Variants in SHROOM2 observed in about 807,000 individuals in gnomAD.
The protein encoded by SHROOM2 is shroom family member 2.
SHROOM2 carries 33 observed loss-of-function variants against 75.9 expected under a neutral mutation model. That is an observed-to-expected ratio of 0.43 (90% CI 0.33 to 0.58). SHROOM2 has a LOEUF of 0.58. SHROOM2 is among the 20% of genes least tolerant of loss of function. The pLI, the probability that SHROOM2 is intolerant of heterozygous loss-of-function variation, is 0.04. For missense variants in SHROOM2, 1,434 were observed against 1,461.2 expected (o/e 0.98, Z 0.30); for synonymous variants, 655 against 663.6 (o/e 0.99, Z 0.20).
intron 1 of SHROOM2, among the ~76,000 whole-genome samples, chrX:9,809,098 G>C (rs1053078178): frequency 3.1e-5 from 3 of 95,943 alleles, no homozygotes; most frequent in Non-Finnish European, 4.1e-5. Context: ...TCTCTTATTA[G>C]TCAGGGTTCT....
At chrX:9,856,024 C>T (rs868619017) in intron 1 of SHROOM2, among the ~76,000 whole-genome samples, 11 of 84,261 alleles carry the variant, frequency 1.3e-4, no homozygotes, top group South Asian at 5.8e-4. Context: ...AGAATGTTTC[C>T]TTTTTTTTTT....
At chrX:9,939,050 CT>C in intron 7 of SHROOM2, 144 bp from the exon 8 acceptor site, 1 of 442,662 alleles carries the variant, frequency 2.3e-6, no homozygotes, top group East Asian at 4.0e-5. Flanking sequence ...TACCTACTTA[CT>C]TTTCCCCCTT....
rs141116076 is a variant in SHROOM2, at chrX:9,947,262, G to A, written c.*325G>A. 5.9e-3 allele frequency: 1,547 copies of A among 261,664 alleles called. 18 individuals are homozygous for A. The highest frequency in any genetic ancestry group is 0.039 in the African/African-American group (1,414 of 35,827). The allele number at this position is 261,664 out of a possible 1,213,427, so 21.6% of individuals were successfully genotyped here. On this transcript the variant is annotated 3_prime_UTR_variant, in exon 10 of 10. Coordinates refer to ENST00000380913, the MANE Select transcript of SHROOM2 (RefSeq NM_001649.4). Reference sequence around the variant, plus strand: ...AGTGGTCACTGTCAGTGGGAAACCCGTTGTTCCTCCCGTCTTCAGATGCTG... The same window carrying A: ...AGTGGTCACTGTCAGTGGGAAACCCATTGTTCCTCCCGTCTTCAGATGCTG...
At chrX:9,808,387 A>AG (rs1238228343) in intron 1 of SHROOM2, among the ~76,000 whole-genome samples, 1 of 107,591 alleles carries the variant, frequency 9.3e-6, no homozygotes, top group Non-Finnish European at 1.9e-5. Flanking sequence ...CTACAAAAAA[A>AG]AAAAAAAAAA....
At chrX:9,809,505 C>T (rs1201240801) in intron 1 of SHROOM2, among the ~76,000 whole-genome samples, 1 of 111,700 alleles carries the variant, frequency 9.0e-6, no homozygotes, top group African/African-American at 3.3e-5. Flanking sequence ...CATCACAAGT[C>T]CACCCCTTGT....
chrX:9,945,960 C>A (rs967541308), intron 9 of SHROOM2, among the ~76,000 whole-genome samples: 1 of 112,875 alleles, frequency 8.9e-6, no homozygotes, highest in African/African-American at 3.2e-5. Context: ...AGCACCCTTC[C>A]CCTTTCTCCA....
intron 1 of SHROOM2, among the ~76,000 whole-genome samples, chrX:9,872,581 G>GA (rs1255457974): frequency 2.7e-5 from 3 of 111,538 alleles, no homozygotes; most frequent in East Asian, 2.8e-4. Flanking sequence ...AGAAAAAAGG[G>GA]AAAAAAAGCT....
At chrX:9,854,779 T>A (rs1168101508) in intron 1 of SHROOM2, among the ~76,000 whole-genome samples, 1 of 111,096 alleles carries the variant, frequency 9.0e-6, no homozygotes, top group Non-Finnish European at 1.9e-5. Context: ...ATTGGGATTG[T>A]ACTGTGGAGA....
intron 1 of SHROOM2, among the ~76,000 whole-genome samples, chrX:9,826,921 T>C (rs925916798): frequency 1.8e-5 from 2 of 112,746 alleles, no homozygotes; most frequent in African/African-American, 6.4e-5. Flanking sequence ...GTTGAGTCTT[T>C]GGGCCTCTGG....
intron 1 of SHROOM2, among the ~76,000 whole-genome samples, chrX:9,808,960 T>C (rs912261748): frequency 6.3e-5 from 7 of 110,904 alleles, no homozygotes; most frequent in African/African-American, 9.8e-5. Flanking sequence ...GTATATTCAC[T>C]GACTTGTGCA....
intron 5 of SHROOM2, among the ~76,000 whole-genome samples, chrX:9,919,578 C>T (rs1427225348): frequency 5.5e-5 from 6 of 109,674 alleles, no homozygotes; most frequent in African/African-American, 2.0e-4. Flanking sequence ...GATCTGCCCC[C>T]CTCAGCCTCC....
intron 5 of SHROOM2, among the ~76,000 whole-genome samples, chrX:9,915,769 A>G (rs2084484784): frequency 8.9e-6 from 1 of 112,415 alleles, no homozygotes; most frequent in African/African-American, 3.2e-5. Context: ...TACAACAAAT[A>G]TCTGAAGTCT....
rs944544411 is a variant in SHROOM2 at position 9,905,681 on chromosome X, G to A, written c.2891+7391G>A. Among the ~76,000 whole-genome samples, 29 of 113,012 alleles carry A rather than the reference G, an allele frequency of 2.6e-4. No homozygotes were observed. The Admixed American group carries it at 2.6e-3, about 10-fold the overall frequency. ...TGCCAGTTTAAATTTTTGTGTGTTC[G>A]TTTCCATACTAGCTCTTAGAATCTA... is the stretch of plus-strand genomic sequence containing the variant. On this transcript the variant is annotated intron_variant, in intron 5 of 9. Transcript: ENST00000380913.
At chrX:9,913,443 A>T (rs41311483) in intron 5 of SHROOM2, among the ~76,000 whole-genome samples, 14,059 of 112,019 alleles carry the variant, frequency 0.13, 1,245 homozygotes, top group African/African-American at 0.32. Context: ...TTTACTATAC[A>T]TGTGCTTTTT....
intron 1 of SHROOM2, among the ~76,000 whole-genome samples, chrX:9,859,878 A>T (rs1274527011): frequency 9.0e-6 from 1 of 111,325 alleles, no homozygotes. Context: ...GCGAGAGAGA[A>T]GATGATTTGC....
intron 1 of SHROOM2, among the ~76,000 whole-genome samples, chrX:9,803,960 A>G (rs2083737920): frequency 9.0e-6 from 1 of 111,302 alleles, no homozygotes; most frequent in South Asian, 3.8e-4. Flanking sequence ...AGCCGTTTAA[A>G]CATCCACAGA....
intron 5 of SHROOM2, among the ~76,000 whole-genome samples, chrX:9,910,588 G>A (rs1320998922): frequency 8.2e-5 from 9 of 109,694 alleles, no homozygotes; most frequent in African/African-American, 2.7e-4. Context: ...AGGCTGAGGC[G>A]GGCGTATCAC....
At chrX:9,938,688 C>T (rs1048283327) in intron 7 of SHROOM2, among the ~76,000 whole-genome samples, 1 of 112,646 alleles carries the variant, frequency 8.9e-6, no homozygotes, top group African/African-American at 3.2e-5. Context: ...GTGGCATCTT[C>T]CCTGCTGCTG....
chrX:9,940,260 G>C (rs188487011), intron 8 of SHROOM2, among the ~76,000 whole-genome samples: 10 of 112,318 alleles, frequency 8.9e-5, no homozygotes, highest in Non-Finnish European at 1.9e-4. Context: ...TTTCCACACA[G>C]AACCAGGAAA....
Sources: allele counts gnomAD v4.1 joint callset (sites outside exome capture counted in the v4.1 genomes callset), GRCh38; gene constraint gnomAD v4.1.1; transcripts MANE v1.5; gene names NCBI Gene and HGNC (gene_info 2026-07-23, HGNC 2026-07-21).